The following PAM variants were observed in gnomAD, a reference collection of about 807,000 sequenced individuals.
PAM encodes peptidyl-glycine alpha-amidating monooxygenase.
Under a neutral mutation model 122.1 loss-of-function variants are expected in PAM, and 72 were observed. The ratio of observed to expected loss-of-function variants is 0.59; its 90% CI spans 0.49 to 0.72. The LOEUF is 0.72. PAM is among the 30% of genes least tolerant of loss of function. PAM has a pLI of 0.00. For missense variants in PAM, 1,106 were observed against 1,183.7 expected (o/e 0.93, Z 0.96); for synonymous variants, 389 against 404.4 (o/e 0.96, Z 0.46).
intron 1 of PAM, among the ~76,000 whole-genome samples, chr5:102,818,024 C>CAAAAAAA (rs753744226): frequency 1.8e-4 from 10 of 55,464 alleles, no homozygotes; most frequent in East Asian, 1.6e-3. Flanking sequence ...TTTTTTTTCT[C>CAAAAAAA]AAAAAAAAAA....
intron 1 of PAM, among the ~76,000 whole-genome samples, chr5:102,767,415 C>A (rs1030167643): frequency 9.2e-5 from 14 of 152,134 alleles, no homozygotes; most frequent in Non-Finnish European, 1.6e-4. Context: ...GGTGTTAGGA[C>A]AGCCTTTGCT....
intron 7 of PAM, among the ~76,000 whole-genome samples, chr5:102,936,297 A>C (rs1378865987): frequency 6.6e-6 from 1 of 152,062 alleles, no homozygotes. Flanking sequence ...TCTGTCTATT[A>C]TTTTGCTGGT....
intron 16 of PAM, 54 bp downstream of exon 16, chr5:102,990,455 AT>A: frequency 1.5e-6 from 2 of 1,344,782 alleles, no homozygotes; most frequent in South Asian, 1.5e-5. Context: ...AGTGTACATA[AT>A]TTTTTCACTA....
At chr5:102,957,393 G>A (rs1017628311) in intron 12 of PAM, among the ~76,000 whole-genome samples, 4 of 151,916 alleles carry the variant, frequency 2.6e-5, no homozygotes, top group Non-Finnish European at 4.4e-5. Context: ...CTGTATCCAC[G>A]CCCCCCACCC....
At chr5:102,987,111 A>G (rs1356515899) in intron 15 of PAM, among the ~76,000 whole-genome samples, 1 of 152,180 alleles carries the variant, frequency 6.6e-6, no homozygotes, top group African/African-American at 2.4e-5. Flanking sequence ...GTTTACTGCA[A>G]TACTATTTAC....
chr5:102,817,987 AACCTTT>A (rs1770458713), intron 1 of PAM, among the ~76,000 whole-genome samples: 1 of 148,522 alleles, frequency 6.7e-6, no homozygotes, highest in Non-Finnish European at 1.5e-5. Context: ...TTCTTTGTAA[AACCTTT>A]ACCGAAAACC....
In PAM at chr5:103,007,293, G is replaced by A. The variant is rs142135278; in HGVS notation, c.2015-164G>A. Reference sequence around the variant, plus strand: ...GGGAGAAAATCTGTAATGTATTTGTGGATAAAAGACATTATAAAATAATCT... The same window carrying A: ...GGGAGAAAATCTGTAATGTATTTGTAGATAAAAGACATTATAAAATAATCT... On this transcript the variant is annotated intron_variant, in intron 19 of 25. Coordinates refer to ENST00000438793, the MANE Select transcript of PAM (RefSeq NM_001177306.2). 5.9e-5 allele frequency among the ~76,000 whole-genome samples: 9 copies of A among 151,994 alleles called. No homozygotes were observed. The East Asian group carries it at 1.4e-3, about 23-fold the overall frequency.
At chr5:102,929,672 C>T (rs1036308501) in intron 7 of PAM, among the ~76,000 whole-genome samples, 6 of 152,044 alleles carry the variant, frequency 3.9e-5, no homozygotes, top group Admixed American at 2.0e-4. Context: ...TTTAATAAAG[C>T]ACCAGAAATG....
intron 1 of PAM, among the ~76,000 whole-genome samples, chr5:102,845,261 A>G (rs1779691232): frequency 6.6e-6 from 1 of 152,238 alleles, no homozygotes; most frequent in African/African-American, 2.4e-5. Flanking sequence ...AATGAGAGAC[A>G]AAGAAAGCGT....
chr5:103,013,208 A>G (rs1025831827), intron 21 of PAM, among the ~76,000 whole-genome samples: 5 of 152,178 alleles, frequency 3.3e-5, no homozygotes, highest in Non-Finnish European at 2.9e-5. Flanking sequence ...AACATGGAGT[A>G]TCTTCCCTTC....
At chr5:103,024,660 T>G (rs1364180690) in intron 23 of PAM, among the ~76,000 whole-genome samples, 3 of 152,148 alleles carry the variant, frequency 2.0e-5, no homozygotes, top group Non-Finnish European at 2.9e-5. Flanking sequence ...AACAGTTTTA[T>G]GAAGGAGGTC....
intron 21 of PAM, among the ~76,000 whole-genome samples, chr5:103,017,019 G>A (rs1295557236): frequency 6.6e-6 from 1 of 152,126 alleles, no homozygotes; most frequent in Non-Finnish European, 1.5e-5. Flanking sequence ...GACAGATAAT[G>A]CAACACCAAG....
chr5:102,782,715 CTCTCTCTCTCTG>C (rs1414443596), intron 1 of PAM, among the ~76,000 whole-genome samples: 1 of 146,604 alleles, frequency 6.8e-6, no homozygotes, highest in African/African-American at 2.6e-5. Flanking sequence ...CTCTCTCTCT[CTCTCTCTCTCTG>C]TGTGTGTGTG....
intron 1 of PAM, among the ~76,000 whole-genome samples, chr5:102,828,887 G>T (rs1050271848): frequency 2.0e-5 from 3 of 148,102 alleles, no homozygotes; most frequent in Non-Finnish European, 3.0e-5. Context: ...TTAATCAATT[G>T]CATTTGCATA....
chr5:102,955,900 A>C (rs983504502), intron 12 of PAM, among the ~76,000 whole-genome samples: 1 of 152,032 alleles, frequency 6.6e-6, no homozygotes, highest in African/African-American at 2.4e-5. Flanking sequence ...TTTGAATGAA[A>C]GGTGAATGAT....
At chr5:102,866,830 C>T (rs1785723045) in intron 2 of PAM, 1 of 153,932 alleles carries the variant, frequency 6.5e-6, no homozygotes, top group African/African-American at 2.4e-5. Context: ...ATTCTGGACA[C>T]TGAAAATAGT....
At chr5:102,828,208 G>T (rs1774243714) in intron 1 of PAM, among the ~76,000 whole-genome samples, 1 of 152,020 alleles carries the variant, frequency 6.6e-6, no homozygotes. Context: ...ATAGCCAAGC[G>T]TGGTGGTGTG....
At chr5:102,910,179 T>G (rs1400486046) in intron 4 of PAM, among the ~76,000 whole-genome samples, 1 of 151,852 alleles carries the variant, frequency 6.6e-6, no homozygotes, top group Non-Finnish European at 1.5e-5. Flanking sequence ...CTCCCCCAGG[T>G]CACGTTCTTA....
At chr5:102,799,571 G>A (rs1764176535) in intron 1 of PAM, among the ~76,000 whole-genome samples, 1 of 152,158 alleles carries the variant, frequency 6.6e-6, no homozygotes, top group East Asian at 1.9e-4. Context: ...GTATAGTAAT[G>A]ATATCGAATT....
Sources: gnomAD v4.1 joint callset for allele counts (sites outside exome capture counted in the v4.1 genomes callset) on GRCh38, gnomAD v4.1.1 for gene constraint, MANE v1.5 for transcripts, NCBI Gene and HGNC (gene_info 2026-07-23, HGNC 2026-07-21) for gene names.